Variants in DLGAP2 observed in about 807,000 individuals in gnomAD.
DLGAP2 encodes the protein DLG associated protein 2.
A neutral mutation model predicts 100.3 loss-of-function variants in DLGAP2; 26 were observed. The observed-to-expected ratio is 0.26, with a 90% CI of 0.19 to 0.36. The LOEUF is 0.36. Among genes scored for constraint, DLGAP2 ranks in the 10% least tolerant of loss-of-function variants. DLGAP2 has a pLI of 1.00. For synonymous variants in DLGAP2, 886 were observed against 630.1 expected (o/e 1.41, Z -6.08); for missense variants, 1,858 against 1,453.2 (o/e 1.28, Z -4.53).
intron 2 of DLGAP2, among the ~76,000 whole-genome samples, chr8:1,081,423 C>T (rs1803804836): frequency 6.6e-6 from 1 of 152,216 alleles, no homozygotes; most frequent in Non-Finnish European, 1.5e-5. Flanking sequence ...GCAGCCTTGG[C>T]TCACTGCAAC....
chr8:740,119 C>T (rs1176524066), intron 1 of DLGAP2: 1 of 152,130 alleles, frequency 6.6e-6, no homozygotes, highest in Non-Finnish European at 1.5e-5. Context: ...TCTACCGCGT[C>T]AAATCTGTAT....
intron 2 of DLGAP2, among the ~76,000 whole-genome samples, chr8:924,457 C>T (rs1485899759): frequency 3.9e-5 from 6 of 152,104 alleles, no homozygotes; most frequent in Non-Finnish European, 5.9e-5. Context: ...ACTGTTAGGG[C>T]AGGACTGTAA....
chr8:1,478,366 T>C (rs911307012), intron 3 of DLGAP2, among the ~76,000 whole-genome samples: 1 of 152,182 alleles, frequency 6.6e-6, no homozygotes, highest in African/African-American at 2.4e-5. Flanking sequence ...AGACGTGGTG[T>C]GTGTAGACAT....
In DLGAP2 at chr8:1,316,003, C is replaced by T. The variant is rs553159860; in HGVS notation, c.106+57120C>T. Among the ~76,000 whole-genome samples, 31 of 137,582 alleles carry T rather than the reference C, an allele frequency of 2.3e-4. 4 individuals carry two copies. Among genetic ancestry groups the T allele is most frequent in the Non-Finnish European group, 4.5e-4 (28 of 62,772 alleles). The allele number at this position is 137,582 out of a possible 152,430, so 90.3% of individuals were successfully genotyped here. A position where few individuals can be genotyped will look rare whatever the true frequency, so the allele number is the denominator to read the frequency against. ...AAAAATAGAGGCTGTGCGAGTGCAGCGTCTCTCCAACAGTGGTCTACACTC... is the reference window on the plus strand; with the variant it reads ...AAAAATAGAGGCTGTGCGAGTGCAGTGTCTCTCCAACAGTGGTCTACACTC... On this transcript the variant is annotated intron_variant, in intron 3 of 14. Transcript: ENST00000637795.
intron 2 of DLGAP2, among the ~76,000 whole-genome samples, chr8:1,116,048 C>T (rs761280764): frequency 1.3e-5 from 2 of 152,172 alleles, no homozygotes; most frequent in African/African-American, 2.4e-5. Flanking sequence ...GTGACAGTCA[C>T]TTGGGAGGAC....
In DLGAP2 at chr8:1,552,894, G is replaced by A. The variant is rs143391823; in HGVS notation, c.1230+3211G>A. Among the ~76,000 whole-genome samples the A allele has an allele frequency of 2.6e-5, 4 of 152,300 alleles. No homozygotes were observed. The East Asian group carries it at 5.8e-4, about 22-fold the overall frequency. ...AATTGAAAGGCAATTCAGGCCTCAC[G>A]TTATTCTTTCACAAAGCTCTTGTTT... On this transcript the variant is annotated intron_variant, in intron 5 of 14. Coordinates refer to ENST00000637795, the MANE Select transcript of DLGAP2 (RefSeq NM_001346810.2).
intron 2 of DLGAP2, among the ~76,000 whole-genome samples, chr8:1,209,588 A>C (rs367590398): frequency 6.6e-6 from 1 of 152,154 alleles, no homozygotes; most frequent in South Asian, 2.1e-4. Context: ...CAAACTCCCA[A>C]TGTGATGGTA....
chr8:1,224,793 C>G (rs538258766), intron 2 of DLGAP2, among the ~76,000 whole-genome samples: 1 of 152,242 alleles, frequency 6.6e-6, no homozygotes, highest in South Asian at 2.1e-4. Context: ...GGACATTCTC[C>G]AAGGAAGATA....
chr8:1,318,031 C>T (rs1215114386), intron 3 of DLGAP2, among the ~76,000 whole-genome samples: 1 of 34,374 alleles, frequency 2.9e-5, no homozygotes, highest in Non-Finnish European at 4.9e-5. Context: ...GTGAGTGCAG[C>T]GTCTCTCCAA....
intron 2 of DLGAP2, among the ~76,000 whole-genome samples, chr8:1,200,895 G>A (rs1163251831): frequency 2.0e-5 from 3 of 152,222 alleles, no homozygotes; most frequent in African/African-American, 7.2e-5. Flanking sequence ...TCCCGTGCTC[G>A]GTTTCTCCAC....
rs536894085 is a variant in DLGAP2 at position 1,346,326 on chromosome 8, G to A, written c.106+87443G>A. Reference sequence around the variant, plus strand: ...CTCATGGTAGCTGTGTGGAGGTTGCGTTCCCATACACATCTGCATTGCTCT... The same window carrying A: ...CTCATGGTAGCTGTGTGGAGGTTGCATTCCCATACACATCTGCATTGCTCT... On this transcript the variant is annotated intron_variant, in intron 3 of 14. Coordinates refer to ENST00000637795, the MANE Select transcript of DLGAP2 (RefSeq NM_001346810.2). Among the ~76,000 whole-genome samples the A allele has an allele frequency of 5.3e-5, 8 of 150,196 alleles. No homozygotes were observed. The East Asian group carries it at 7.9e-4, about 15-fold the overall frequency.
At chr8:1,017,733 T>G (rs1440766169) in intron 2 of DLGAP2, among the ~76,000 whole-genome samples, 1 of 152,050 alleles carries the variant, frequency 6.6e-6, no homozygotes, top group South Asian at 2.1e-4. Context: ...GGACGGGGAC[T>G]GACTGAGCCT....
At chr8:1,474,326 T>C (rs1563170596) in intron 3 of DLGAP2, among the ~76,000 whole-genome samples, 1 of 152,220 alleles carries the variant, frequency 6.6e-6, no homozygotes, top group Non-Finnish European at 1.5e-5. Flanking sequence ...GATTGTGAAT[T>C]GTGCTGCTAT....
At chr8:1,493,249 T>C (rs1446826715) in intron 3 of DLGAP2, among the ~76,000 whole-genome samples, 1 of 152,168 alleles carries the variant, frequency 6.6e-6, no homozygotes, top group Non-Finnish European at 1.5e-5. Context: ...CATAGAGGGC[T>C]GCTTTCATCT....
intron 2 of DLGAP2, among the ~76,000 whole-genome samples, chr8:1,080,481 G>T (rs931417769): frequency 3.9e-5 from 6 of 152,228 alleles, no homozygotes; most frequent in African/African-American, 1.4e-4. Context: ...AAAGCTGCAG[G>T]GATGCAGAGC....
chr8:1,676,560 G>C lies in DLGAP2; in HGVS notation c.2230G>C (p.Glu744Gln), dbSNP rs1798815559. The C allele has an allele frequency of 6.2e-7, 1 of 1,613,416 alleles. No homozygotes were observed. The highest frequency in any genetic ancestry group is 1.3e-5 in the African/African-American group (1 of 74,946). The stretch of plus-strand genomic sequence containing the variant: ...GGAAACGGCCACAGATTCTGACACG[G>C]AGAGCCGCGGTCTGCGGGAATACCA... Reference protein sequence around the residue: ...DVETATDSDTESRGLREYHSV... With the variant: ...DVETATDSDTQSRGLREYHSV... Residue 744 changes from glutamate to glutamine, a missense_variant, in exon 11 of 15, where the codon GAG becomes CAG. Physicochemically the swap from Glu to Gln is conservative, Grantham distance 29. Transcript: ENST00000637795.
chr8:1,161,956 G>C (rs1415415059), intron 2 of DLGAP2, among the ~76,000 whole-genome samples: 3 of 152,252 alleles, frequency 2.0e-5, no homozygotes, highest in Non-Finnish European at 4.4e-5. Context: ...TCAGGGGTGC[G>C]TCAGAGTCAC....
Position 818,173 on chromosome 8 carries a change from G to C in DLGAP2, c.18+80348G>C, listed in dbSNP as rs911782224. 8.5e-5 allele frequency among the ~76,000 whole-genome samples: 13 copies of C among 152,160 alleles called. 1 individual carries two copies. Among genetic ancestry groups the C allele is most frequent in the African/African-American group, 3.1e-4 (13 of 41,420 alleles). ...AGACTCTCCTTGGGTGGGGCTGGCTGCAGCTGCTGTGGGGGATGGACATGT... is the reference window on the plus strand; with the variant it reads ...AGACTCTCCTTGGGTGGGGCTGGCTCCAGCTGCTGTGGGGGATGGACATGT... On this transcript the variant is annotated intron_variant, in intron 1 of 14. Coordinates refer to ENST00000637795, the MANE Select transcript of DLGAP2 (RefSeq NM_001346810.2).
intron 3 of DLGAP2, among the ~76,000 whole-genome samples, chr8:1,471,944 A>G (rs1253836457): frequency 6.6e-6 from 1 of 152,224 alleles, no homozygotes; most frequent in Non-Finnish European, 1.5e-5. Flanking sequence ...GCCCAGTACA[A>G]CATCATTAAA....
Sources: allele counts gnomAD v4.1 joint callset (sites outside exome capture counted in the v4.1 genomes callset), GRCh38; gene constraint gnomAD v4.1.1; transcripts MANE v1.5; gene names NCBI Gene and HGNC (gene_info 2026-07-23, HGNC 2026-07-21).